The following MAPK11 variants were observed in gnomAD, a reference collection of about 807,000 sequenced individuals.
MAPK11 encodes the protein MAP kinase 11.
Under a neutral mutation model 52.2 loss-of-function variants are expected in MAPK11, and 44 were observed. The observed-to-expected ratio is 0.84, with a 90% CI of 0.66 to 1.08. The LOEUF is 1.08. Among genes scored for constraint, MAPK11 ranks in the 50% least tolerant of loss-of-function variants. The probability of loss-of-function intolerance (pLI) is 0.00; values close to 1 mark genes in which losing one functional copy is unlikely to be tolerated. For missense variants in MAPK11, 436 were observed against 494.7 expected (o/e 0.88, Z 1.13); for synonymous variants, 233 against 206.3 (o/e 1.13, Z -1.11).
chr22:50,267,696 G>GA, intron 2 of MAPK11, 69 bp from the exon 3 acceptor site: 1 of 1,448,070 alleles, frequency 6.9e-7, no homozygotes, highest in East Asian at 2.6e-5. Context: ...CCCGGGCCAC[G>GA]CCCCCAGTGC....
At chr22:50,266,881 G>C in intron 7 of MAPK11, 53 bp downstream of exon 7, 1 of 1,520,642 alleles carries the variant, frequency 6.6e-7, no homozygotes, top group Non-Finnish European at 9.0e-7. Context: ...AGAGCCAGTC[G>C]AGGGCCAGAC....
At chr22:50,266,697 A>T in intron 7 of MAPK11, 86 bp from the exon 8 acceptor site, 1 of 1,327,548 alleles carries the variant, frequency 7.5e-7, no homozygotes, top group African/African-American at 1.5e-5. Context: ...AGACCCCAAG[A>T]TGGGCAGACC....
chr22:50,266,891 C>T (rs766385068), intron 7 of MAPK11, 43 bp downstream of exon 7: 9 of 1,556,030 alleles, frequency 5.8e-6, no homozygotes, highest in South Asian at 5.6e-5. Flanking sequence ...GAGGGCCAGA[C>T]GAGGCCCTTG....
At chr22:50,268,030 C>A (rs2065280795) in intron 1 of MAPK11, 81 bp from the exon 2 acceptor site, 6 of 1,390,284 alleles carry the variant, frequency 4.3e-6, no homozygotes, top group African/African-American at 1.5e-5. Flanking sequence ...GCGTCCCTCT[C>A]GCCGCTTCTC....
chr22:50,267,886 C>A lies in MAPK11; in HGVS notation c.180G>T (p.Gln60His). 1 of 1,589,574 alleles carries A rather than the reference C, an allele frequency of 6.3e-7. No homozygotes were observed. Among genetic ancestry groups the A allele is most frequent in the Non-Finnish European group, 8.5e-7 (1 of 1,170,556 alleles). ...ACGTTCTGCGCGCGTGGATCAGCGA[C>A]TGGAAGGGGCGCGACAGCTTCTTCA... ...VAVKKLSRPF[Q>H]SLIHARRTYR... The change falls in exon 2 of 12, where the codon CAG becomes CAT. Residue 60 changes from glutamine (Q) to histidine (H), a missense_variant. Physicochemically the swap from Gln to His is conservative, Grantham distance 24 (BLOSUM62 0). Coordinates refer to ENST00000330651, the MANE Select transcript of MAPK11 (RefSeq NM_002751.7).
In MAPK11 at chr22:50,267,112, G is replaced by C; in HGVS notation, c.495+15C>G. On this transcript the variant is annotated intron_variant, in intron 6 of 11. Coordinates refer to ENST00000330651, the MANE Select transcript of MAPK11 (RefSeq NM_002751.7). The stretch of plus-strand genomic sequence containing the variant: ...CTCCGCCGCCGCCCTGCCCACCCCT[G>C]CCCACGGGCCTCACCCTGAGCTCAC... The C allele has an allele frequency of 1.2e-6, 2 of 1,611,478 alleles. No homozygotes were observed. The highest frequency in any genetic ancestry group is 1.7e-6 in the Non-Finnish European group (2 of 1,179,376).
rs1438182734 is a variant in MAPK11, at chr22:50,265,028, C to A, written c.1016-1G>T. ...CTGAGGACTTCCTGGTAAGTGAGCT[C>A]TAGGAGGTGAAGGGAAAGGGTGAGC... On this transcript the variant is annotated splice_acceptor_variant, in intron 11 of 11. Transcript: ENST00000330651. LOFTEE classifies it high-confidence loss of function. 1 of 1,612,552 alleles carries A rather than the reference C, an allele frequency of 6.2e-7. No homozygotes were observed. The highest frequency in any genetic ancestry group is 1.1e-5 in the South Asian group (1 of 90,918).
chr22:50,268,840 G>A (rs1279399485), intron 1 of MAPK11, among the ~76,000 whole-genome samples: 4 of 152,312 alleles, frequency 2.6e-5, no homozygotes, highest in East Asian at 3.9e-4. Context: ...GCTCATGGGC[G>A]CAGGTCGAGG....
chr22:50,266,731 C>T (rs1248302156), intron 7 of MAPK11, 120 bp from the exon 8 acceptor site: 13 of 1,085,338 alleles, frequency 1.2e-5, no homozygotes, highest in Non-Finnish European at 1.8e-5. Context: ...TACCCAACCC[C>T]CCTAGGCAGG....
At chr22:50,268,734 T>G (rs147579992) in intron 1 of MAPK11, among the ~76,000 whole-genome samples, 1,573 of 152,300 alleles carry the variant, frequency 0.01, 34 homozygotes, top group African/African-American at 0.035. Flanking sequence ...CTCCCACTTC[T>G]GTCTCTTGGG....
rs933581330 is a variant in MAPK11 at position 50,263,793 on chromosome 22, G to A, written c.*1155C>T. 2 of 152,390 alleles carry A rather than the reference G, an allele frequency of 1.3e-5. No individual in the cohort carries two copies. Among genetic ancestry groups the A allele is most frequent in the African/African-American group, 4.8e-5 (2 of 41,424 alleles). The allele number at this position is 152,390 out of a possible 1,614,324, so 9.4% of individuals were successfully genotyped here. ...TTCCCTGGGCCCCTCGAGGCAAGAG[G>A]TCACCCCCTTTCCAGGGCAGAGCCA... On this transcript the variant is annotated 3_prime_UTR_variant, in exon 12 of 12. Transcript: ENST00000330651.
At position 50,270,151 on chromosome 22, in the gene MAPK11, C is replaced by T; in HGVS notation, c.116+26G>A. ...TCTCCGGCCCGGCCCGGCCCCCACC[C>T]AGCACCCCTTCTGCCCCGCCCCTAC... On this transcript the variant is annotated intron_variant, in intron 1 of 11. Transcript: ENST00000330651. The surrounding 1 kb of genome is among the most constrained non-coding windows in gnomAD (Gnocchi z 6.3). The T allele has an allele frequency of 7.9e-7, 1 of 1,268,370 alleles. No homozygotes were observed. The highest frequency in any genetic ancestry group is 1.0e-6 in the Non-Finnish European group (1 of 971,836). The allele number at this position is 1,268,370 out of a possible 1,614,324, so 78.6% of individuals were successfully genotyped here.
Position 50,267,172 on chromosome 22 carries a change from G to C in MAPK11, c.450C>G (p.Asp150Glu). 6.2e-7 allele frequency: 1 copy of C among 1,611,718 alleles called. No individual in the cohort carries two copies. Among genetic ancestry groups the C allele is most frequent in the Non-Finnish European group, 8.5e-7 (1 of 1,179,508 alleles). ...TCACAGCCACGTTGCTGGGCTTCAG[G>C]TCCTGCAGGTCACGCGGAGCGTGAG... ...YIHSAGIIHR[D>E]LKPSNVAVNE... Residue 150 changes from aspartate to glutamate, a missense_variant and splice_region_variant, in exon 6 of 12, where the codon GAC becomes GAG. Coordinates refer to ENST00000330651, the MANE Select transcript of MAPK11 (RefSeq NM_002751.7).
At chr22:50,265,282 C>G in intron 11 of MAPK11, 39 bp downstream of exon 11, 1 of 1,603,754 alleles carries the variant, frequency 6.2e-7, no homozygotes, top group South Asian at 1.1e-5. Flanking sequence ...ATGGAGCCCG[C>G]AGGCCCCTGG....
Position 50,264,891 on chromosome 22 carries a change from T to G in MAPK11, c.*57A>C, listed in dbSNP as rs2065249682. 1.4e-6 allele frequency: 2 copies of G among 1,422,594 alleles called. No individual in the cohort carries two copies. The highest frequency in any genetic ancestry group is 2.4e-5 in the South Asian group (2 of 82,232). The allele number at this position is 1,422,594 out of a possible 1,614,324, so 88.1% of individuals were successfully genotyped here. On this transcript the variant is annotated 3_prime_UTR_variant, in exon 12 of 12. Coordinates refer to ENST00000330651, the MANE Select transcript of MAPK11 (RefSeq NM_002751.7). ...CCTCTCGAGGAAACCAGGCCAGCTG[T>G]GGAAGGGTGCAGGCCCAAGCCCCTC...
At position 50,264,442 on chromosome 22, in the gene MAPK11, C is replaced by G. The variant is rs1471051160; in HGVS notation, c.*506G>C. On this transcript the variant is annotated 3_prime_UTR_variant, in exon 12 of 12. Transcript: ENST00000330651. ...GTGGCACACTGGCTCTGCCTCTCCT[C>G]TTAGACCTGTGGGTCTCAGCAGTGA... 1 of 155,046 alleles carries G rather than the reference C, an allele frequency of 6.4e-6. No individual in the cohort carries two copies. The highest frequency in any genetic ancestry group is 1.4e-5 in the Non-Finnish European group (1 of 69,618). The allele number at this position is 155,046 out of a possible 1,614,324, so 9.6% of individuals were successfully genotyped here.
At chr22:50,265,281 G>C in intron 11 of MAPK11, 40 bp downstream of exon 11, 1 of 1,602,616 alleles carries the variant, frequency 6.2e-7, no homozygotes, top group Non-Finnish European at 8.5e-7. Flanking sequence ...AATGGAGCCC[G>C]CAGGCCCCTG....
In MAPK11 at chr22:50,270,164, G is replaced by T; in HGVS notation, c.116+13C>A. The T allele has an allele frequency of 3.0e-6, 4 of 1,341,628 alleles. No individual in the cohort carries two copies. The highest frequency in any genetic ancestry group is 1.5e-5 in the African/African-American group (1 of 64,966). The allele number at this position is 1,341,628 out of a possible 1,614,324, so 83.1% of individuals were successfully genotyped here. The stretch of plus-strand genomic sequence containing the variant: ...CCGGCCCCCACCCAGCACCCCTTCT[G>T]CCCCGCCCCTACCAGACGGAGCCGT... On this transcript the variant is annotated intron_variant, in intron 1 of 11. Transcript: ENST00000330651. The surrounding 1 kb of genome is among the most constrained non-coding windows in gnomAD (Gnocchi z 6.3).
At position 50,263,785 on chromosome 22, in the gene MAPK11, G is replaced by A. The variant is rs1327301695; in HGVS notation, c.*1163C>T. On this transcript the variant is annotated 3_prime_UTR_variant, in exon 12 of 12. Coordinates refer to ENST00000330651, the MANE Select transcript of MAPK11 (RefSeq NM_002751.7). ...ACCCAGGCTTCCCTGGGCCCCTCGA[G>A]GCAAGAGGTCACCCCCTTTCCAGGG... The A allele has an allele frequency of 6.6e-6, 1 of 152,388 alleles. No individual in the cohort carries two copies. The highest frequency in any genetic ancestry group is 2.4e-5 in the African/African-American group (1 of 41,442). The allele number at this position is 152,388 out of a possible 1,614,324, so 9.4% of individuals were successfully genotyped here. A position where few individuals can be genotyped will look rare whatever the true frequency, so the allele number is the denominator to read the frequency against.
Sources: allele counts gnomAD v4.1 joint callset (sites outside exome capture counted in the v4.1 genomes callset), GRCh38; gene constraint gnomAD v4.1.1; non-coding constraint Gnocchi (gnomAD v3.1); transcripts MANE v1.5; gene names NCBI Gene and HGNC (gene_info 2026-07-23, HGNC 2026-07-21).